CRYBG1: variants seen among roughly 807,000 people sequenced by gnomAD.
The protein encoded by CRYBG1 is beta/gamma crystallin domain-containing protein 1.
Under a neutral mutation model 189.2 loss-of-function variants are expected in CRYBG1, and 139 were observed. The ratio of observed to expected loss-of-function variants is 0.73; its 90% CI spans 0.64 to 0.85. CRYBG1 has a LOEUF of 0.85. CRYBG1 is among the 40% of genes least tolerant of loss of function. CRYBG1 has a pLI of 0.00. For missense variants in CRYBG1, 2,611 were observed against 2,675.8 expected, an observed-to-expected ratio of 0.98 and a Z score of 0.53; for synonymous variants, 1,023 against 1,017.1, an observed-to-expected ratio of 1.01 and a Z score of -0.11.
At chr6:106,474,218 A>T (rs963324788) in intron 2 of CRYBG1, among the ~76,000 whole-genome samples, 1 of 152,288 alleles carries the variant, frequency 6.6e-6, no homozygotes, top group South Asian at 2.1e-4. Context: ...TTTGCTGGGC[A>T]TGGTGGTGTG....
At chr6:106,568,108 T>C (rs1322672835) in intron 21 of CRYBG1, among the ~76,000 whole-genome samples, 3 of 144,310 alleles carry the variant, frequency 2.1e-5, no homozygotes, top group African/African-American at 8.1e-5. Flanking sequence ...AAATATATGT[T>C]AGTCTCTTTA....
intron 6 of CRYBG1, among the ~76,000 whole-genome samples, 180 bp from the exon 7 acceptor site, chr6:106,527,125 G>A (rs992480158): frequency 5.9e-5 from 9 of 151,980 alleles, no homozygotes; most frequent in African/African-American, 2.2e-4. Context: ...AGTTATCAGA[G>A]GCTTAATTAT....
At chr6:106,388,411 C>T (rs1770433359) in intron 1 of CRYBG1, among the ~76,000 whole-genome samples, 1 of 152,096 alleles carries the variant, frequency 6.6e-6, no homozygotes. Context: ...CTCCCTCTAC[C>T]CCCAGCCCAG....
At chr6:106,369,167 G>A (rs1489707401) in intron 1 of CRYBG1, among the ~76,000 whole-genome samples, 1 of 152,194 alleles carries the variant, frequency 6.6e-6, no homozygotes, top group Admixed American at 6.5e-5. Context: ...ATGGGGCAGA[G>A]AATCAGAATC....
chr6:106,439,210 G>A (rs924021433), intron 1 of CRYBG1, among the ~76,000 whole-genome samples: 1 of 151,994 alleles, frequency 6.6e-6, no homozygotes, highest in African/African-American at 2.4e-5. Context: ...TATCAAAGCT[G>A]GGAAAAATAC....
chr6:106,419,126 C>T (rs1243653510), intron 1 of CRYBG1, among the ~76,000 whole-genome samples: 1 of 152,164 alleles, frequency 6.6e-6, no homozygotes, highest in Non-Finnish European at 1.5e-5. Context: ...ATGCCTAGCT[C>T]CCAGGTAGCA....
intron 1 of CRYBG1, among the ~76,000 whole-genome samples, chr6:106,439,378 T>C (rs1045250066): frequency 2.0e-5 from 3 of 152,212 alleles, no homozygotes; most frequent in Admixed American, 6.5e-5. Context: ...TTGTTTCCTT[T>C]TTGAATTATT....
intron 21 of CRYBG1, among the ~76,000 whole-genome samples, chr6:106,565,808 G>A (rs1420462810): frequency 1.3e-5 from 2 of 152,130 alleles, no homozygotes; most frequent in African/African-American, 2.4e-5. Flanking sequence ...TCAACCTGAG[G>A]TTCAAACTAG....
intron 1 of CRYBG1, among the ~76,000 whole-genome samples, chr6:106,392,447 C>G (rs746495894): frequency 1.3e-5 from 2 of 152,096 alleles, no homozygotes; most frequent in African/African-American, 4.8e-5. Flanking sequence ...AGTAAAGAGG[C>G]AGCAGACTAG....
chr6:106,511,337 G>C, intron 2 of CRYBG1, 93 bp from the exon 3 acceptor site: 5 of 1,128,236 alleles, frequency 4.4e-6, no homozygotes, highest in Non-Finnish European at 6.1e-6. Flanking sequence ...ACTCTGGTCT[G>C]TTATCATTTT....
chr6:106,491,619 T>G (rs2114493905), intron 2 of CRYBG1, among the ~76,000 whole-genome samples: 1 of 152,260 alleles, frequency 6.6e-6, no homozygotes, highest in South Asian at 2.1e-4. Context: ...TCTCTCTCAG[T>G]GTCTGCTTTC....
chr6:106,522,677 G>T (rs1024593345), intron 4 of CRYBG1, among the ~76,000 whole-genome samples: 2 of 152,188 alleles, frequency 1.3e-5, no homozygotes, highest in African/African-American at 4.8e-5. Context: ...TGTCTGGCAA[G>T]TGTGGACCTC....
chr6:106,568,498 A>G lies in CRYBG1; in HGVS notation c.6328A>G (p.Ile2110Val). ...GGGCACACAGTATGATCAAAATCAC[A>G]TTATCCTCAACACTGTCAGCAAAGA... ...KGGTQYDQNHIILNTVSKEKF... is the reference protein window; with the variant it reads ...KGGTQYDQNHVILNTVSKEKF... Residue 2110 changes from isoleucine to valine, a missense_variant, in exon 22 of 22, where the codon ATT becomes GTT. This residue lies in a region of CRYBG1 where 1,622 missense variants were observed against 1,735.0 expected (regional missense o/e 0.93). Coordinates refer to ENST00000633556, the MANE Select transcript of CRYBG1 (RefSeq NM_001371242.2). 1 of 1,613,942 alleles carries G rather than the reference A, an allele frequency of 6.2e-7. No homozygotes were observed. The highest frequency in any genetic ancestry group is 2.2e-5 in the East Asian group (1 of 44,890).
chr6:106,410,808 A>G (rs141908863), intron 1 of CRYBG1, among the ~76,000 whole-genome samples: 1,834 of 152,296 alleles, frequency 0.012, 24 homozygotes, highest in African/African-American at 0.042. Context: ...GGAGTTGAAC[A>G]ATGAGAACAC....
intron 1 of CRYBG1, among the ~76,000 whole-genome samples, chr6:106,383,621 G>A (rs1217894832): frequency 6.6e-6 from 1 of 152,206 alleles, no homozygotes; most frequent in African/African-American, 2.4e-5. Flanking sequence ...CTGAAAGACT[G>A]TGAAACAAAA....
chr6:106,417,493 A>G (rs1210638573), intron 1 of CRYBG1, among the ~76,000 whole-genome samples: 1 of 152,238 alleles, frequency 6.6e-6, no homozygotes. Context: ...CCCACAGATT[A>G]CCACCGTAGA....
Position 106,571,854 on chromosome 6 carries a change from G to C in CRYBG1, c.*3288G>C, listed in dbSNP as rs1486636871. ...TTTATATCAATTACTGGCCAAAATG[G>C]TGTGTTTATTTTTTAAAGCTTGTAT... On this transcript the variant is annotated 3_prime_UTR_variant, in exon 22 of 22. Coordinates refer to ENST00000633556, the MANE Select transcript of CRYBG1 (RefSeq NM_001371242.2). 3 of 574,384 alleles carry C rather than the reference G, an allele frequency of 5.2e-6. No individual in the cohort carries two copies. Among genetic ancestry groups the C allele is most frequent in the Non-Finnish European group, 9.3e-6 (3 of 322,276 alleles). The allele number at this position is 574,384 out of a possible 1,614,324, so 35.6% of individuals were successfully genotyped here.
chr6:106,376,198 A>G (rs1294707370), intron 1 of CRYBG1, among the ~76,000 whole-genome samples: 1 of 152,224 alleles, frequency 6.6e-6, no homozygotes, highest in Non-Finnish European at 1.5e-5. Flanking sequence ...ATGAAATTAT[A>G]GAGGGAGTAA....
intron 1 of CRYBG1, among the ~76,000 whole-genome samples, chr6:106,442,544 C>G (rs146248968): frequency 7.9e-5 from 12 of 152,292 alleles, no homozygotes; most frequent in African/African-American, 2.9e-4. Context: ...TTGCATGTAA[C>G]TATCGTGGTT....
Sources: allele counts gnomAD v4.1 joint callset (sites outside exome capture counted in the v4.1 genomes callset), GRCh38; gene constraint gnomAD v4.1.1; regional missense constraint gnomAD v4.1.1; transcripts MANE v1.5; gene names NCBI Gene and HGNC (gene_info 2026-07-23, HGNC 2026-07-21).